The following KCNIP4 variants were observed in gnomAD, a reference collection of about 807,000 sequenced individuals.
The protein encoded by KCNIP4 is potassium voltage-gated channel interacting protein 4, also known as Kv channel-interacting protein 4.
In KCNIP4, 12 loss-of-function variants were observed where a neutral mutation model predicts 34.0. The ratio of observed to expected loss-of-function variants is 0.35; its 90% CI spans 0.23 to 0.57. The LOEUF is 0.57. Among genes scored for constraint, KCNIP4 ranks in the 20% least tolerant of loss-of-function variants. The pLI is 0.83. For synonymous variants in KCNIP4, 124 were observed against 102.2 expected (o/e 1.21, Z -1.29); for missense variants, 238 against 311.7 (o/e 0.76, Z 1.78).
At chr4:21,501,887 C>A (rs1159590283) in intron 1 of KCNIP4, among the ~76,000 whole-genome samples, 1 of 99,576 alleles carries the variant, frequency 1.0e-5, no homozygotes, top group Non-Finnish European at 2.3e-5. Flanking sequence ...AAAAATAATT[C>A]TCTCTCTCTC....
chr4:21,358,850 A>G (rs1195024872), intron 1 of KCNIP4, among the ~76,000 whole-genome samples: 1 of 152,022 alleles, frequency 6.6e-6, no homozygotes, highest in African/African-American at 2.4e-5. Context: ...TTATCTACCT[A>G]TGACCTGGAA....
chr4:20,809,697 T>C (rs187345014), intron 3 of KCNIP4, among the ~76,000 whole-genome samples: 83 of 152,342 alleles, frequency 5.4e-4, no homozygotes, highest in African/African-American at 1.7e-3. Context: ...ATAGGGGTAT[T>C]TGAGTAATAA....
chr4:21,628,332 T>C (rs1175272422), intron 1 of KCNIP4, among the ~76,000 whole-genome samples: 1 of 152,196 alleles, frequency 6.6e-6, no homozygotes, highest in Non-Finnish European at 1.5e-5. Context: ...TCCTGCCGAG[T>C]TGCAATCTTC....
At chr4:21,796,705 T>C (rs1371535192) in intron 1 of KCNIP4, among the ~76,000 whole-genome samples, 2 of 152,206 alleles carry the variant, frequency 1.3e-5, no homozygotes, top group African/African-American at 4.8e-5. Flanking sequence ...TGACTACAAA[T>C]AGATATTATG....
At chr4:21,782,261 C>G (rs1160280422) in intron 1 of KCNIP4, among the ~76,000 whole-genome samples, 1 of 152,132 alleles carries the variant, frequency 6.6e-6, no homozygotes, top group Non-Finnish European at 1.5e-5. Context: ...TAGAAATATA[C>G]ATGCCATACA....
intron 1 of KCNIP4, among the ~76,000 whole-genome samples, chr4:21,308,002 C>G (rs1712679311): frequency 6.6e-6 from 1 of 152,232 alleles, no homozygotes; most frequent in African/African-American, 2.4e-5. Flanking sequence ...CTCATCCCTT[C>G]ATTTTCAGCT....
chr4:21,574,267 A>G (rs1740575180), intron 1 of KCNIP4, among the ~76,000 whole-genome samples: 1 of 152,200 alleles, frequency 6.6e-6, no homozygotes, highest in Admixed American at 6.5e-5. Flanking sequence ...TTTCATTTTC[A>G]TTTTGACCTA....
At chr4:21,196,597 G>A (rs1319565147) in intron 1 of KCNIP4, among the ~76,000 whole-genome samples, 3 of 152,146 alleles carry the variant, frequency 2.0e-5, no homozygotes, top group Non-Finnish European at 4.4e-5. Context: ...TCCGTGCCTA[G>A]AATGTTCTGA....
At chr4:20,878,799 A>T (rs1401584539) in intron 2 of KCNIP4, among the ~76,000 whole-genome samples, 1 of 152,160 alleles carries the variant, frequency 6.6e-6, no homozygotes, top group African/African-American at 2.4e-5. Flanking sequence ...AAAACCCACA[A>T]TGCCCCTCTT....
intron 3 of KCNIP4, among the ~76,000 whole-genome samples, chr4:20,805,964 C>A (rs1715025168): frequency 6.6e-6 from 1 of 152,070 alleles, no homozygotes; most frequent in African/African-American, 2.4e-5. Flanking sequence ...GCATGCTGTG[C>A]TTTGACAATA....
intron 1 of KCNIP4, among the ~76,000 whole-genome samples, chr4:21,880,941 A>T (rs545422984): frequency 1.3e-5 from 2 of 152,326 alleles, no homozygotes; most frequent in South Asian, 4.1e-4. Context: ...AATAAAGATA[A>T]AACTCTTATT....
At chr4:20,743,266 CTACTT>C (rs892102753) in intron 5 of KCNIP4, among the ~76,000 whole-genome samples, 2 of 152,258 alleles carry the variant, frequency 1.3e-5, no homozygotes, top group Admixed American at 6.5e-5. Context: ...TTGGAAAAAA[CTACTT>C]TAAAGTTCAT....
chr4:21,886,482 A>T (rs371492843), intron 1 of KCNIP4, among the ~76,000 whole-genome samples: 83 of 152,256 alleles, frequency 5.5e-4, no homozygotes, highest in Admixed American at 1.2e-3. Context: ...TTCAACACTT[A>T]ACCCTAATGT....
At chr4:21,531,769 GA>G (rs1167382864) in intron 1 of KCNIP4, among the ~76,000 whole-genome samples, 2 of 151,832 alleles carry the variant, frequency 1.3e-5, no homozygotes, top group Admixed American at 6.6e-5. Context: ...CAATGGGGTT[GA>G]AAAAAAGTAA....
At chr4:21,323,099 A>G (rs1419745605) in intron 1 of KCNIP4, among the ~76,000 whole-genome samples, 2 of 150,642 alleles carry the variant, frequency 1.3e-5, no homozygotes, top group African/African-American at 4.9e-5. Flanking sequence ...TGAAGTATGT[A>G]TGAGTCAATT....
At chr4:20,953,569 C>T (rs1483870679) in intron 1 of KCNIP4, among the ~76,000 whole-genome samples, 1 of 152,090 alleles carries the variant, frequency 6.6e-6, no homozygotes, top group Non-Finnish European at 1.5e-5. Context: ...GTGGTCCCGG[C>T]TACTTGAGAG....
At chr4:21,786,250 C>A in intron 1 of KCNIP4, among the ~76,000 whole-genome samples, 1 of 151,704 alleles carries the variant, frequency 6.6e-6, no homozygotes, top group South Asian at 2.1e-4. Flanking sequence ...CCCGGCCTCG[C>A]TTCTCTTAAA....
rs140111447 is a variant in KCNIP4 at position 21,123,274 on chromosome 4, T to G, written c.62-240565A>C. 5.0e-4 allele frequency among the ~76,000 whole-genome samples: 76 copies of G among 152,328 alleles called. 1 individual carries two copies. In the East Asian group the frequency reaches 0.013, roughly 27 times the overall value. On this transcript the variant is annotated intron_variant, in intron 1 of 8. Coordinates refer to ENST00000382152, the MANE Select transcript of KCNIP4 (RefSeq NM_025221.6). ...TGTATTCTTTTATTTATCTCATTTATATTTATTGAATGCCTGTAATGTGAC... is the reference window on the plus strand; with the variant it reads ...TGTATTCTTTTATTTATCTCATTTAGATTTATTGAATGCCTGTAATGTGAC...
intron 3 of KCNIP4, among the ~76,000 whole-genome samples, chr4:20,841,440 C>G (rs1333486794): frequency 3.9e-5 from 6 of 152,138 alleles, no homozygotes; most frequent in Admixed American, 2.6e-4. Context: ...GTCTCCAAAC[C>G]TACTTTAGGA....
Sources: allele counts gnomAD v4.1 joint callset (sites outside exome capture counted in the v4.1 genomes callset), GRCh38; gene constraint gnomAD v4.1.1; transcripts MANE v1.5; gene names NCBI Gene and HGNC (gene_info 2026-07-23, HGNC 2026-07-21).